Variants in DDX10 observed in about 807,000 individuals in gnomAD.
DDX10 encodes the protein DEAD-box helicase 10, also known as probable ATP-dependent RNA helicase DDX10.
Under a neutral mutation model 104.3 loss-of-function variants are expected in DDX10, and 74 were observed. The ratio of observed to expected loss-of-function variants is 0.71; its 90% CI spans 0.59 to 0.86. The LOEUF (loss-of-function observed/expected upper bound fraction) is 0.86. DDX10 is among the 40% of genes least tolerant of loss of function. The pLI, the probability that DDX10 is intolerant of heterozygous loss-of-function variation, is 0.00. For synonymous variants in DDX10, 351 were observed against 353.4 expected (o/e 0.99, Z 0.08); for missense variants, 952 against 1,040.0 (o/e 0.92, Z 1.16).
At chr11:108,678,555 A>C in intron 5 of DDX10, 120 bp downstream of exon 5, 2 of 1,108,692 alleles carry the variant, frequency 1.8e-6, no homozygotes, top group Non-Finnish European at 2.4e-6. Flanking sequence ...AAACAAACTT[A>C]AAAATTACTG....
rs934765235 is a variant in DDX10 at position 108,880,200 on chromosome 11, G to C, written c.2304+27991G>C. Reference sequence around the variant, plus strand: ...GGACTCTGTTTCACCCTCTTACTGTGTTCTGACATGGCCTTTCCTTTGTGC... The same window carrying C: ...GGACTCTGTTTCACCCTCTTACTGTCTTCTGACATGGCCTTTCCTTTGTGC... On this transcript the variant is annotated intron_variant, in intron 16 of 17. Transcript: ENST00000322536. 2.6e-5 allele frequency among the ~76,000 whole-genome samples: 4 copies of C among 152,330 alleles called. No homozygotes were observed. The South Asian group carries it at 6.2e-4, about 24-fold the overall frequency.
chr11:108,705,662 G>T (rs1245129032), intron 9 of DDX10, among the ~76,000 whole-genome samples: 1 of 152,150 alleles, frequency 6.6e-6, no homozygotes, highest in East Asian at 1.9e-4. Flanking sequence ...TCAGTAAAAA[G>T]TTTATTTGCT....
At chr11:108,796,867 T>C (rs1861948309) in intron 13 of DDX10, among the ~76,000 whole-genome samples, 1 of 152,172 alleles carries the variant, frequency 6.6e-6, no homozygotes, top group South Asian at 2.1e-4. Flanking sequence ...AGGACAAGTT[T>C]GGCCTCTTCT....
intron 13 of DDX10, among the ~76,000 whole-genome samples, chr11:108,797,038 A>G (rs1249426082): frequency 6.6e-6 from 1 of 150,758 alleles, no homozygotes; most frequent in Non-Finnish European, 1.5e-5. Context: ...TCCCTCTTCT[A>G]ATTTTTTTTT....
In DDX10 at chr11:108,866,307, C is replaced by G. The variant is rs535197201; in HGVS notation, c.2304+14098C>G. 6.6e-5 allele frequency among the ~76,000 whole-genome samples: 10 copies of G among 152,156 alleles called. No individual in the cohort carries two copies. In the South Asian group the frequency reaches 2.1e-3, roughly 32 times the overall value. ...TAAAGGAGGACTTGGACAGGAGTGC[C>G]AAATGCCACAAGGAGATGAAGTAGG... is the stretch of plus-strand genomic sequence containing the variant. On this transcript the variant is annotated intron_variant, in intron 16 of 17. Coordinates refer to ENST00000322536, the MANE Select transcript of DDX10 (RefSeq NM_004398.4).
At chr11:108,760,449 A>C (rs572998610) in intron 13 of DDX10, among the ~76,000 whole-genome samples, 1 of 152,146 alleles carries the variant, frequency 6.6e-6, no homozygotes, top group South Asian at 2.1e-4. Flanking sequence ...ACAAAACCCA[A>C]ACCTGTTCAA....
At chr11:108,890,421 G>A (rs1863359811) in intron 16 of DDX10, among the ~76,000 whole-genome samples, 1 of 152,080 alleles carries the variant, frequency 6.6e-6, no homozygotes, top group Non-Finnish European at 1.5e-5. Context: ...TGTTGCAAAT[G>A]CCCTCGGCTA....
At chr11:108,769,905 C>T (rs1297767655) in intron 13 of DDX10, among the ~76,000 whole-genome samples, 2 of 152,040 alleles carry the variant, frequency 1.3e-5, no homozygotes, top group Non-Finnish European at 2.9e-5. Context: ...AACATGCTAA[C>T]ATAAAATAGT....
chr11:108,919,687 A>T (rs974676923), intron 17 of DDX10: 10 of 152,254 alleles, frequency 6.6e-5, no homozygotes, highest in African/African-American at 2.4e-4. Flanking sequence ...ACCTTTAAAA[A>T]ATAGTCAACC....
intron 13 of DDX10, among the ~76,000 whole-genome samples, chr11:108,836,716 T>G (rs1015929345): frequency 1.3e-5 from 2 of 152,200 alleles, no homozygotes; most frequent in African/African-American, 4.8e-5. Context: ...CTCGAACTCC[T>G]GACCTCAAGT....
At chr11:108,880,263 G>A (rs1026416131) in intron 16 of DDX10, among the ~76,000 whole-genome samples, 1 of 152,118 alleles carries the variant, frequency 6.6e-6, no homozygotes, top group Non-Finnish European at 1.5e-5. Context: ...CTGATCTGGT[G>A]TGTCTTCCTC....
intron 13 of DDX10, among the ~76,000 whole-genome samples, chr11:108,805,442 A>G (rs1202025740): frequency 6.6e-6 from 1 of 152,262 alleles, no homozygotes; most frequent in East Asian, 1.9e-4. Context: ...AAAAGTCTCA[A>G]TAAAAGAATA....
rs183005351 is a variant in DDX10, at chr11:108,733,050, A to G, written c.1965+9588A>G. ...TAATTAAGATTTGAATGATACCCAT[A>G]GATTATTCATTGTACCTTAGAGTTG... On this transcript the variant is annotated intron_variant, in intron 13 of 17. Transcript: ENST00000322536. Among the ~76,000 whole-genome samples the G allele has an allele frequency of 4.6e-5, 7 of 152,018 alleles. No individual in the cohort carries two copies. In the East Asian group the frequency reaches 1.4e-3, roughly 29 times the overall value.
At chr11:108,685,245 C>CT (rs544771104) in intron 6 of DDX10, among the ~76,000 whole-genome samples, 83 of 151,752 alleles carry the variant, frequency 5.5e-4, no homozygotes, top group African/African-American at 1.7e-3. Context: ...TGCGCCGTTT[C>CT]TTAAGCCGGT....
intron 9 of DDX10, among the ~76,000 whole-genome samples, chr11:108,696,508 T>G (rs2094260111): frequency 6.6e-6 from 1 of 151,992 alleles, no homozygotes. Flanking sequence ...TCATAGTGAG[T>G]ATTTTGGAAA....
intron 16 of DDX10, among the ~76,000 whole-genome samples, chr11:108,854,834 A>G (rs1259934800): frequency 6.6e-6 from 1 of 152,190 alleles, no homozygotes; most frequent in East Asian, 1.9e-4. Context: ...TCAATTTTAG[A>G]AATGAATCTT....
At chr11:108,813,890 C>G (rs1862220603) in intron 13 of DDX10, among the ~76,000 whole-genome samples, 1 of 151,854 alleles carries the variant, frequency 6.6e-6, no homozygotes, top group South Asian at 2.1e-4. Flanking sequence ...TGTTTTTGGT[C>G]TTTCTGTTTC....
intron 7 of DDX10, among the ~76,000 whole-genome samples, chr11:108,689,351 T>C (rs1419894145): frequency 6.6e-6 from 1 of 152,202 alleles, no homozygotes; most frequent in Non-Finnish European, 1.5e-5. Context: ...CAGAGGTCTT[T>C]ATAATCTGAT....
chr11:108,824,882 G>A (rs1862374941), intron 13 of DDX10, among the ~76,000 whole-genome samples: 1 of 152,000 alleles, frequency 6.6e-6, no homozygotes. Context: ...AACAAACCAA[G>A]GAAAATGTCC....
Sources: allele counts gnomAD v4.1 joint callset (sites outside exome capture counted in the v4.1 genomes callset), GRCh38; gene constraint gnomAD v4.1.1; transcripts MANE v1.5; gene names NCBI Gene and HGNC (gene_info 2026-07-23, HGNC 2026-07-21).